The following HIPK3 variants were observed in gnomAD, a reference collection of about 807,000 sequenced individuals.
HIPK3 encodes homeodomain-interacting protein kinase 3.
A neutral mutation model predicts 124.2 loss-of-function variants in HIPK3; 47 were observed. That is an observed-to-expected ratio of 0.38 (90% confidence interval 0.30 to 0.48). The LOEUF (loss-of-function observed/expected upper bound fraction) is 0.48. HIPK3 is among the 20% of genes least tolerant of loss of function. The pLI is 0.98. For synonymous variants in HIPK3, 482 were observed against 515.2 expected, an observed-to-expected ratio of 0.94 and a Z score of 0.87; for missense variants, 1,286 against 1,454.3, an observed-to-expected ratio of 0.88 and a Z score of 1.88.
intron 2 of HIPK3, 29 bp downstream of exon 2, chr11:33,287,540 G>A: frequency 6.4e-7 from 1 of 1,571,108 alleles, no homozygotes; most frequent in Non-Finnish European, 8.6e-7. Flanking sequence ...CTTTTTGGTT[G>A]TTTATTAATG....
At chr11:33,315,346 C>A (rs1349643842) in intron 2 of HIPK3, among the ~76,000 whole-genome samples, 1 of 152,216 alleles carries the variant, frequency 6.6e-6, no homozygotes, top group Non-Finnish European at 1.5e-5. Flanking sequence ...CATGCCTCAG[C>A]CTCCCAAGTA....
rs527992022 is a variant in HIPK3 at position 33,295,345 on chromosome 11, A to G, written c.1097+7834A>G. On this transcript the variant is annotated intron_variant, in intron 2 of 16. Transcript: ENST00000303296. ...GAAGGACTTCGGGACTGTTCGGCTC[A>G]TCTGTTTGCCTGTTGGTCTCCCTAG... 3.0e-5 allele frequency among the ~76,000 whole-genome samples: 4 copies of G among 131,180 alleles called. No individual in the cohort carries two copies. In the South Asian group the frequency reaches 7.5e-4, roughly 25 times the overall value. The allele number at this position is 131,180 out of a possible 152,430, so 86.1% of individuals were successfully genotyped here. A position where few individuals can be genotyped will look rare whatever the true frequency, so the allele number is the denominator to read the frequency against.
intron 2 of HIPK3, among the ~76,000 whole-genome samples, chr11:33,316,105 G>A (rs1296727736): frequency 2.0e-5 from 3 of 152,178 alleles, no homozygotes; most frequent in Non-Finnish European, 2.9e-5. Context: ...CTGTAGTGAT[G>A]TTATTTCTTA....
intron 3 of HIPK3, among the ~76,000 whole-genome samples, chr11:33,332,869 G>C (rs11606193): frequency 0.29 from 43,753 of 151,976 alleles, 7,270 homozygotes; most frequent in Middle Eastern, 0.43. Flanking sequence ...GTACAAGCAG[G>C]GCTCCAGCAT....
At chr11:33,297,159 T>C (rs1851864479) in intron 2 of HIPK3, among the ~76,000 whole-genome samples, 1 of 145,242 alleles carries the variant, frequency 6.9e-6, no homozygotes, top group South Asian at 2.2e-4. Flanking sequence ...AGTGGCACAA[T>C]CTTGGCTCAC....
chr11:33,314,203 C>T (rs57142485), intron 2 of HIPK3, among the ~76,000 whole-genome samples: 43,742 of 152,098 alleles, frequency 0.29, 7,260 homozygotes, highest in Middle Eastern at 0.43. Flanking sequence ...ACTCAGACTG[C>T]ATAGGTTTGT....
At chr11:33,317,384 C>A (rs1852536685) in intron 2 of HIPK3, among the ~76,000 whole-genome samples, 1 of 150,986 alleles carries the variant, frequency 6.6e-6, no homozygotes, top group African/African-American at 2.4e-5. Context: ...CCTCAGCTCC[C>A]CAAGTAGCTG....
In HIPK3 at chr11:33,286,439, C is replaced by A; in HGVS notation, c.25C>A (p.Pro9Thr). 1.3e-6 allele frequency: 2 copies of A among 1,597,258 alleles called. No homozygotes were observed. Among genetic ancestry groups the A allele is most frequent in the South Asian group, 2.2e-5 (2 of 89,226 alleles). Residue 9 changes from proline to threonine, a missense_variant, in exon 2 of 17, where the codon CCA (proline) becomes ACA (threonine). Pro to Thr is a conservative substitution (Grantham distance 38). Around this residue, in one of 3 missense-constraint regions of HIPK3, gnomAD observed 225 missense variants for 240.3 expected, o/e 0.94. Coordinates refer to ENST00000303296, the MANE Select transcript of HIPK3 (RefSeq NM_005734.5). MASQVLVY[P>T]PYVYQTQSSA... ...TATGGCCTCACAAGTCTTGGTCTAC[C>A]CACCATATGTTTATCAAACTCAGTC...
chr11:33,330,256 A>T (rs991032720), intron 3 of HIPK3, among the ~76,000 whole-genome samples: 3 of 152,150 alleles, frequency 2.0e-5, no homozygotes, highest in Non-Finnish European at 2.9e-5. Context: ...CAAAGGGATT[A>T]AAAAAAGTCA....
intron 3 of HIPK3, among the ~76,000 whole-genome samples, chr11:33,330,887 T>C (rs1464788930): frequency 1.3e-5 from 2 of 151,982 alleles, no homozygotes; most frequent in African/African-American, 4.8e-5. Flanking sequence ...TTTTTTCTTT[T>C]TCTTTTTCTT....
At chr11:33,281,183 T>G (rs112071648) in intron 1 of HIPK3, among the ~76,000 whole-genome samples, 1,813 of 151,060 alleles carry the variant, frequency 0.012, 41 homozygotes, top group African/African-American at 0.041. Context: ...GATTCTCCTG[T>G]CTCAGCCTCC....
intron 2 of HIPK3, among the ~76,000 whole-genome samples, chr11:33,311,691 CT>C (rs1259106217): frequency 6.6e-5 from 10 of 152,022 alleles, no homozygotes; most frequent in Admixed American, 3.9e-4. Flanking sequence ...AAAACACACC[CT>C]TTTTTGTTTT....
chr11:33,352,655 A>G (rs544656699), intron 16 of HIPK3, among the ~76,000 whole-genome samples: 2 of 152,250 alleles, frequency 1.3e-5, no homozygotes, highest in South Asian at 2.1e-4. Context: ...TTTGCCATGT[A>G]CTATATATAT....
chr11:33,301,855 C>CAT (rs66571916), intron 2 of HIPK3, among the ~76,000 whole-genome samples: 1 of 151,386 alleles, frequency 6.6e-6, no homozygotes, highest in African/African-American at 2.4e-5. Flanking sequence ...CACACACACA[C>CAT]GAGTACAGTA....
chr11:33,317,645 G>T (rs887152406), intron 2 of HIPK3, among the ~76,000 whole-genome samples: 1 of 152,148 alleles, frequency 6.6e-6, no homozygotes, highest in Admixed American at 6.5e-5. Flanking sequence ...CCTACTCCTT[G>T]CCAGGTTGAT....
At chr11:33,335,666 A>G (rs1285454940) in intron 3 of HIPK3, 2 of 151,856 alleles carry the variant, frequency 1.3e-5, no homozygotes, top group Non-Finnish European at 2.9e-5. Flanking sequence ...AGGATAGAAG[A>G]TATTGAACAT....
At chr11:33,307,645 A>G (rs958336721) in intron 2 of HIPK3, among the ~76,000 whole-genome samples, 6 of 150,280 alleles carry the variant, frequency 4.0e-5, no homozygotes, top group African/African-American at 1.5e-4. Context: ...TGACCTCATG[A>G]TCCGCCCGCC....
chr11:33,284,555 A>T (rs573207773), intron 1 of HIPK3, among the ~76,000 whole-genome samples: 14 of 152,250 alleles, frequency 9.2e-5, no homozygotes, highest in African/African-American at 3.4e-4. Context: ...GCATTTTGGG[A>T]GCCTGAGATG....
chr11:33,346,164 T>C (rs1275531293), intron 8 of HIPK3, among the ~76,000 whole-genome samples: 21 of 152,202 alleles, frequency 1.4e-4, no homozygotes, highest in Non-Finnish European at 8.8e-5. Flanking sequence ...CTTTGCTCTC[T>C]CAGAGTTCAA....
Sources: allele counts gnomAD v4.1 joint callset (sites outside exome capture counted in the v4.1 genomes callset), GRCh38; gene constraint gnomAD v4.1.1; regional missense constraint gnomAD v4.1.1; transcripts MANE v1.5; gene names NCBI Gene and HGNC (gene_info 2026-07-23, HGNC 2026-07-21).